Variants in DNMT1 observed in about 807,000 individuals in gnomAD.
DNMT1 encodes the protein DNA (cytosine-5)-methyltransferase 1.
A neutral mutation model predicts 205.3 loss-of-function variants in DNMT1; 24 were observed. The ratio of observed to expected loss-of-function variants is 0.12; its 90% CI spans 0.08 to 0.16. The LOEUF is 0.16. DNMT1 is among the 10% of genes least tolerant of loss of function. The pLI is 1.00. For synonymous variants in DNMT1, 817 were observed against 839.8 expected, an observed-to-expected ratio of 0.97 and a Z score of 0.47; for missense variants, 1,293 against 2,177.7, an observed-to-expected ratio of 0.59 and a Z score of 8.09.
intron 1 of DNMT1, among the ~76,000 whole-genome samples, chr19:10,190,446 A>G (rs2039277497): frequency 6.6e-6 from 1 of 152,110 alleles, no homozygotes; most frequent in African/African-American, 2.4e-5. Context: ...AAGCAAGCCT[A>G]GCTGTCTGAG....
In DNMT1 at chr19:10,151,272, GC is replaced by G; in HGVS notation, c.2265+125del. ...TTGGCCAGTCCCGCTCTTCTCAGGG[GC>G]AAACAGACAGGTTTCTTAGTGCCGG... On this transcript the variant is annotated intron_variant, in intron 24 of 40. Coordinates refer to ENST00000359526, the MANE Select transcript of DNMT1 (RefSeq NM_001130823.3). This position sits in a 1 kb window ranked among gnomAD's most constrained non-coding sequence, Gnocchi z 5.0. The G allele has an allele frequency of 7.1e-7, 1 of 1,402,308 alleles. No homozygotes were observed. Among genetic ancestry groups the G allele is most frequent in the Non-Finnish European group, 1.0e-6 (1 of 1,004,740 alleles). The allele number at this position is 1,402,308 out of a possible 1,614,324, so 86.9% of individuals were successfully genotyped here.
In DNMT1 at chr19:10,159,684, A is replaced by C; in HGVS notation, c.1254T>G (p.Leu418=). Residue 418 remains leucine (L), a synonymous_variant, in exon 17 of 41, where the codon CTT becomes CTG. Transcript: ENST00000359526. The surrounding 1 kb of genome is among the most constrained non-coding windows in gnomAD (Gnocchi z 5.0). The part of the protein sequence containing the change: ...NESGFESYEA[L]PQHKLTCFSV... ...TGAAGCAGGTCAGTTTGTGCTGGGG[A>C]AGCGCCTCATAACTCTCAAAGCCAG... is the stretch of plus-strand genomic sequence containing the variant. 6.2e-7 allele frequency: 1 copy of C among 1,614,172 alleles called. No individual in the cohort carries two copies. Among genetic ancestry groups the C allele is most frequent in the East Asian group, 2.2e-5 (1 of 44,882 alleles).
At chr19:10,134,567 C>T (rs1167851298) in intron 39 of DNMT1, among the ~76,000 whole-genome samples, 3 of 152,214 alleles carry the variant, frequency 2.0e-5, no homozygotes, top group African/African-American at 7.2e-5. Context: ...GACAAAGACA[C>T]GTGGGGCTGG....
chr19:10,144,072 T>C, intron 28 of DNMT1, 85 bp from the exon 29 acceptor site: 1 of 1,369,606 alleles, frequency 7.3e-7, no homozygotes, highest in Non-Finnish European at 1.0e-6. Flanking sequence ...AAAATAACCA[T>C]TTAAAGTCAA....
At chr19:10,193,717 C>G (rs1345781243) in intron 1 of DNMT1, among the ~76,000 whole-genome samples, 3 of 151,390 alleles carry the variant, frequency 2.0e-5, no homozygotes, top group Non-Finnish European at 4.4e-5. Flanking sequence ...ACCAAATATC[C>G]ATCCCTCCCC....
intron 1 of DNMT1, among the ~76,000 whole-genome samples, chr19:10,182,635 C>T (rs930838739): frequency 2.0e-5 from 3 of 150,950 alleles, no homozygotes; most frequent in Admixed American, 6.7e-5. Context: ...TATATACACA[C>T]ACATATATAC....
Position 10,133,383 on chromosome 19 carries a change from A to G in DNMT1, c.*284T>C. On this transcript the variant is annotated 3_prime_UTR_variant, in exon 41 of 41. Coordinates refer to ENST00000359526, the MANE Select transcript of DNMT1 (RefSeq NM_001130823.3). This position sits in a 1 kb window ranked among gnomAD's most constrained non-coding sequence, Gnocchi z 4.1. ...GAGATTTATTTGAAGAAATATTACA[A>G]CATATAAAAACTACATAAAGTCTTA... 1 of 509,260 alleles carries G rather than the reference A, an allele frequency of 2.0e-6. No homozygotes were observed. Among genetic ancestry groups the G allele is most frequent in the East Asian group, 3.2e-5 (1 of 31,086 alleles). The allele number at this position is 509,260 out of a possible 1,614,324, so 31.5% of individuals were successfully genotyped here.
rs574366294 is a variant in DNMT1, at chr19:10,146,111, G to C, written c.2894+240C>G. Among the ~76,000 whole-genome samples, 1 of 152,126 alleles carries C rather than the reference G, an allele frequency of 6.6e-6. No individual in the cohort carries two copies. Among genetic ancestry groups the C allele is most frequent in the African/African-American group, 2.4e-5 (1 of 41,428 alleles). On this transcript the variant is annotated intron_variant, in intron 28 of 40. Coordinates refer to ENST00000359526, the MANE Select transcript of DNMT1 (RefSeq NM_001130823.3). This position sits in a 1 kb window ranked among gnomAD's most constrained non-coding sequence, Gnocchi z 4.4. ...CTCCCAAAGCGCTGGGATTACAGGCGTGAGAAACCACACCCAGCCAAACCA... is the reference window on the plus strand; with the variant it reads ...CTCCCAAAGCGCTGGGATTACAGGCCTGAGAAACCACACCCAGCCAAACCA...
intron 30 of DNMT1, chr19:10,141,500 G>C (rs1486310261): frequency 2.4e-6 from 1 of 418,222 alleles, no homozygotes; most frequent in African/African-American, 2.0e-5. Flanking sequence ...ATGCCTGGGA[G>C]AACGTGGATG....
In DNMT1 at chr19:10,149,925, G is replaced by C; in HGVS notation, c.2309C>G (p.Ala770Gly). Residue 770 changes from alanine (A) to glycine (G), a missense_variant, in exon 25 of 41, where the codon GCG (alanine) becomes GGG (glycine). By Grantham distance (60) the Ala-to-Gly change is moderately conservative. This residue lies in a region of DNMT1 where 197 missense variants were observed against 353.6 expected (regional missense o/e 0.56). Coordinates refer to ENST00000359526, the MANE Select transcript of DNMT1 (RefSeq NM_001130823.3). ...ACAGTCCCCCACTTCCAGGGTTTCC[G>C]CATCAATGCACACCTTCTTATAGTA... ...KSYYKKVCID[A>G]ETLEVGDCVS... 1 of 1,614,150 alleles carries C rather than the reference G, an allele frequency of 6.2e-7. No homozygotes were observed. The highest frequency in any genetic ancestry group is 1.1e-5 in the South Asian group (1 of 91,082).
rs1353668988 is a variant in DNMT1 at position 10,173,110 on chromosome 19, C to T, written c.748G>A (p.Glu250Lys). ...TTTACTTTTTCATCTCTTTCTTCTTCCTTTTCAGTGCGCGTTCCTGATTTT... is the reference window on the plus strand; with the variant it reads ...TTTACTTTTTCATCTCTTTCTTCTTTCTTTTCAGTGCGCGTTCCTGATTTT... Reference protein sequence around the residue: ...RAKSGTRTEKEEERDEKEEKR... With the variant: ...RAKSGTRTEKKEERDEKEEKR... The change falls in exon 9 of 41, where the codon GAA (glutamate) becomes AAA (lysine). Residue 250 changes from glutamate to lysine, a missense_variant. By Grantham distance (56) the Glu-to-Lys change is moderately conservative. This residue lies in a region of DNMT1 where 394 missense variants were observed against 451.6 expected (regional missense o/e 0.87). Transcript: ENST00000359526. The T allele has an allele frequency of 1.2e-6, 2 of 1,614,114 alleles. No individual in the cohort carries two copies. The highest frequency in any genetic ancestry group is 1.7e-5 in the Admixed American group (1 of 59,998).
At chr19:10,153,567 GC>G (rs1211641259) in intron 22 of DNMT1, among the ~76,000 whole-genome samples, 2 of 151,962 alleles carry the variant, frequency 1.3e-5, no homozygotes, top group East Asian at 3.9e-4. Flanking sequence ...AACCCGGGAG[GC>G]GGAGGTTACG....
chr19:10,174,737 A>AAC (rs565112471), intron 7 of DNMT1, among the ~76,000 whole-genome samples: 1 of 149,704 alleles, frequency 6.7e-6, no homozygotes, highest in South Asian at 2.1e-4. Context: ...CAACAACAAC[A>AAC]AAAAAAACAA....
Position 10,138,150 on chromosome 19 carries a change from CT to C in DNMT1, c.4116-142del. On this transcript the variant is annotated intron_variant, in intron 35 of 40. Transcript: ENST00000359526. The surrounding 1 kb of genome is among the most constrained non-coding windows in gnomAD (Gnocchi z 4.1). ...CGAGGTCACATGGGTGGCAGTGTGC[CT>C]GGATGCCATCTGGAAGGGGGGATGG... 1 of 1,169,714 alleles carries C rather than the reference CT, an allele frequency of 8.5e-7. No individual in the cohort carries two copies. The highest frequency in any genetic ancestry group is 1.2e-6 in the Non-Finnish European group (1 of 817,386). The allele number at this position is 1,169,714 out of a possible 1,614,324, so 72.5% of individuals were successfully genotyped here. A position where few individuals can be genotyped will look rare whatever the true frequency, so the allele number is the denominator to read the frequency against.
At chr19:10,142,328 C>T in intron 29 of DNMT1, 108 bp from the exon 30 acceptor site, 2 of 1,507,990 alleles carry the variant, frequency 1.3e-6, no homozygotes, top group Non-Finnish European at 1.8e-6. Flanking sequence ...GGTAAAGACC[C>T]CCTAGTTCGA....
chr19:10,173,183 C>T lies in DNMT1; in HGVS notation c.684-9G>A, dbSNP rs755806312. The T allele has an allele frequency of 1.9e-6, 3 of 1,614,118 alleles. No homozygotes were observed. Among genetic ancestry groups the T allele is most frequent in the Non-Finnish European group, 2.5e-6 (3 of 1,180,016 alleles). On this transcript the variant is annotated splice_polypyrimidine_tract_variant and intron_variant, in intron 8 of 40. Transcript: ENST00000359526. ...GAAGCGGTCTAGCAACTCTGTCAAG[C>T]AAAATAACACAGACCCCAAGTGTGA...
intron 12 of DNMT1, 49 bp from the exon 13 acceptor site, chr19:10,162,797 C>G (rs1454129799): frequency 6.3e-7 from 1 of 1,595,000 alleles, no homozygotes. Flanking sequence ...AAACACTAAC[C>G]ACATCGCCAA....
At chr19:10,178,201 G>A (rs1358383863) in intron 5 of DNMT1, among the ~76,000 whole-genome samples, 3 of 151,680 alleles carry the variant, frequency 2.0e-5, no homozygotes, top group African/African-American at 4.8e-5. Flanking sequence ...AGGTTGTGGT[G>A]AGCCGAGATT....
At chr19:10,182,489 GTATA>G (rs576761729) in intron 1 of DNMT1, among the ~76,000 whole-genome samples, 17 of 130,166 alleles carry the variant, frequency 1.3e-4, no homozygotes, top group South Asian at 2.3e-4. Context: ...ATATATATGT[GTATA>G]TATATGTGTG....
Sources: allele counts gnomAD v4.1 joint callset (sites outside exome capture counted in the v4.1 genomes callset), GRCh38; gene constraint gnomAD v4.1.1; regional missense constraint gnomAD v4.1.1; non-coding constraint Gnocchi (gnomAD v3.1); transcripts MANE v1.5; gene names NCBI Gene and HGNC (gene_info 2026-07-23, HGNC 2026-07-21).